Variants in KIRREL1 observed in about 807,000 individuals in gnomAD.
KIRREL1 encodes the protein kirre like nephrin family adhesion molecule 1, also known as kin of IRRE-like protein 1.
Under a neutral mutation model 83.3 loss-of-function variants are expected in KIRREL1, and 25 were observed. That is an observed-to-expected ratio of 0.30 (90% CI 0.22 to 0.42). The LOEUF is 0.42. Ranked by LOEUF, KIRREL1 falls within the 10% of genes least tolerant of loss-of-function variation. The pLI, the probability that KIRREL1 is intolerant of heterozygous loss-of-function variation, is 1.00. For synonymous variants in KIRREL1, 388 were observed against 410.4 expected, an observed-to-expected ratio of 0.95 and a Z score of 0.66; for missense variants, 812 against 1,032.3, an observed-to-expected ratio of 0.79 and a Z score of 2.92.
chr1:158,014,681 G>T (rs764715980), intron 1 of KIRREL1, among the ~76,000 whole-genome samples: 14 of 4,718 alleles, frequency 3.0e-3, no homozygotes, highest in Admixed American at 0.027. Context: ...TAGTCTTTAT[G>T]GGGGGGGGGG....
intron 1 of KIRREL1, among the ~76,000 whole-genome samples, chr1:158,050,737 C>A (rs1660890535): frequency 6.6e-6 from 1 of 151,984 alleles, no homozygotes; most frequent in Non-Finnish European, 1.5e-5. Flanking sequence ...TACTACTGAC[C>A]AGCTGTGTGA....
At chr1:158,007,627 G>C (rs913565248) in intron 1 of KIRREL1, among the ~76,000 whole-genome samples, 2 of 152,066 alleles carry the variant, frequency 1.3e-5, no homozygotes, top group African/African-American at 4.8e-5. Flanking sequence ...TCGTGTGTCT[G>C]GGGGGAGAGT....
chr1:158,046,412 A>C (rs1057293753), intron 1 of KIRREL1, among the ~76,000 whole-genome samples: 1 of 152,164 alleles, frequency 6.6e-6, no homozygotes, highest in African/African-American at 2.4e-5. Context: ...TAAGTATGAG[A>C]GGCCAATGAG....
chr1:158,029,408 T>A (rs1156748792), intron 1 of KIRREL1, among the ~76,000 whole-genome samples: 1 of 141,264 alleles, frequency 7.1e-6, no homozygotes, highest in African/African-American at 2.6e-5. Context: ...TGTGCATATA[T>A]GCACGTATGT....
intron 8 of KIRREL1, among the ~76,000 whole-genome samples, 191 bp downstream of exon 8, chr1:158,088,645 C>T (rs1486645622): frequency 2.6e-5 from 4 of 151,380 alleles, no homozygotes; most frequent in African/African-American, 4.9e-5. Context: ...CTACCACGCC[C>T]GGCTAATTTT....
chr1:158,021,892 A>G (rs568197394), intron 1 of KIRREL1, among the ~76,000 whole-genome samples: 1 of 152,310 alleles, frequency 6.6e-6, no homozygotes, highest in African/African-American at 2.4e-5. Flanking sequence ...TACTGAAGGG[A>G]CAGGAAATAA....
At chr1:158,007,216 A>G (rs775285254) in intron 1 of KIRREL1, among the ~76,000 whole-genome samples, 20 of 152,216 alleles carry the variant, frequency 1.3e-4, no homozygotes, top group Non-Finnish European at 2.9e-4. Flanking sequence ...GATCATTTAA[A>G]TAAGGGAAGA....
At chr1:158,086,344 G>A (rs1173183188) in intron 4 of KIRREL1, among the ~76,000 whole-genome samples, 2 of 152,014 alleles carry the variant, frequency 1.3e-5, no homozygotes, top group Non-Finnish European at 1.5e-5. Flanking sequence ...CCAAGCTTTG[G>A]AGGCCAGCCT....
At position 158,017,308 on chromosome 1, in the gene KIRREL1, C is replaced by T. The variant is rs572515111; in HGVS notation, c.52+23580C>T. 2.6e-5 allele frequency among the ~76,000 whole-genome samples: 4 copies of T among 152,286 alleles called. No individual in the cohort carries two copies. In the South Asian group the frequency reaches 8.3e-4, roughly 32 times the overall value. ...TCTTTCTAGCCCTTCTTAGTTTTCT[C>T]TCCTACCCTCTTTACCTTTCCCTCC... On this transcript the variant is annotated intron_variant, in intron 1 of 14. Coordinates refer to ENST00000359209, the MANE Select transcript of KIRREL1 (RefSeq NM_018240.7).
chr1:158,034,907 G>A (rs919784180), intron 1 of KIRREL1, among the ~76,000 whole-genome samples: 1 of 152,004 alleles, frequency 6.6e-6, no homozygotes, highest in Admixed American at 6.6e-5. Context: ...TTTTTTTATT[G>A]AAGAAATTGA....
intron 1 of KIRREL1, among the ~76,000 whole-genome samples, chr1:158,055,893 TG>T (rs1661044830): frequency 6.6e-6 from 1 of 152,236 alleles, no homozygotes; most frequent in Admixed American, 6.5e-5. Context: ...CCTGGGGTTG[TG>T]GTCCCACATG....
chr1:158,031,961 T>C (rs1660338067), intron 1 of KIRREL1, among the ~76,000 whole-genome samples: 1 of 152,090 alleles, frequency 6.6e-6, no homozygotes, highest in Admixed American at 6.5e-5. Context: ...TGCATACCCT[T>C]GGCCCCAGCT....
chr1:158,094,939 C>T lies in KIRREL1; in HGVS notation c.2093C>T (p.Ala698Val). The T allele has an allele frequency of 1.2e-6, 2 of 1,614,072 alleles. No homozygotes were observed. Among genetic ancestry groups the T allele is most frequent in the African/African-American group, 1.3e-5 (1 of 75,044 alleles). ...TTCAACTCCCATCCCTTCCCTGGGGCAGCTGGGTACCCCACCTACCGACTG... is the reference window on the plus strand; with the variant it reads ...TTCAACTCCCATCCCTTCCCTGGGGTAGCTGGGTACCCCACCTACCGACTG... ...EKFNSHPFPG[A>V]AGYPTYRLGY... Residue 698 changes from alanine (A) to valine (V), a missense_variant, in exon 15 of 15, where the codon GCA becomes GTA. Coordinates refer to ENST00000359209, the MANE Select transcript of KIRREL1 (RefSeq NM_018240.7). This position sits in a 1 kb window ranked among gnomAD's most constrained non-coding sequence, Gnocchi z 4.6.
At chr1:158,044,426 G>A (rs1037911121) in intron 1 of KIRREL1, among the ~76,000 whole-genome samples, 2 of 152,150 alleles carry the variant, frequency 1.3e-5, no homozygotes, top group Admixed American at 1.3e-4. Context: ...CAGTGGTGAA[G>A]CTTCCAAAAA....
rs564903383 is a variant in KIRREL1, at chr1:158,091,563, G to T, written c.1471+7G>T. 1.2e-6 allele frequency: 2 copies of T among 1,613,912 alleles called. No homozygotes were observed. The highest frequency in any genetic ancestry group is 1.7e-4 in the Middle Eastern group (1 of 6,046). On this transcript the variant is annotated splice_region_variant and intron_variant, in intron 11 of 14. Transcript: ENST00000359209. ...ATCCAGCTGGAAGAGCGAGGTGACT[G>T]GTAGTGCTGCCTGCCAGCTGGGGTG...
chr1:158,071,350 G>A (rs1252131280), intron 1 of KIRREL1, among the ~76,000 whole-genome samples: 3 of 152,168 alleles, frequency 2.0e-5, no homozygotes, highest in Admixed American at 1.3e-4. Context: ...GGGTACGTGT[G>A]AGTGCGTGTG....
intron 1 of KIRREL1, among the ~76,000 whole-genome samples, chr1:158,067,315 T>C (rs1164747097): frequency 2.6e-5 from 4 of 152,188 alleles, no homozygotes; most frequent in African/African-American, 9.7e-5. Context: ...TCTTCTCCTA[T>C]GCCGGATACC....
At position 158,097,707 on chromosome 1, in the gene KIRREL1, G is replaced by T. The variant is rs1365147318; in HGVS notation, c.*2587G>T. ...GAATAGCTTTTCTGGGGAGTGGAAG[G>T]CGTCCTTGATCACAGAGCTTTGCTG... On this transcript the variant is annotated 3_prime_UTR_variant, in exon 15 of 15. Transcript: ENST00000359209. 1 of 152,540 alleles carries T rather than the reference G, an allele frequency of 6.6e-6. No individual in the cohort carries two copies. The highest frequency in any genetic ancestry group is 2.4e-5 in the African/African-American group (1 of 41,450). The allele number at this position is 152,540 out of a possible 1,614,324, so 9.4% of individuals were successfully genotyped here.
chr1:158,002,506 C>T (rs973176387), intron 1 of KIRREL1, among the ~76,000 whole-genome samples: 4 of 152,152 alleles, frequency 2.6e-5, no homozygotes, highest in Non-Finnish European at 5.9e-5. Context: ...GAGGGTCCCA[C>T]CAGGGGGGGT....
Sources: gnomAD v4.1 joint callset for allele counts (sites outside exome capture counted in the v4.1 genomes callset) on GRCh38, gnomAD v4.1.1 for gene constraint, Gnocchi (gnomAD v3.1) non-coding constraint, MANE v1.5 for transcripts, NCBI Gene and HGNC (gene_info 2026-07-23, HGNC 2026-07-21) for gene names.